The following FHIT variants were observed in gnomAD, a reference collection of about 807,000 sequenced individuals.
FHIT encodes bis(5'-adenosyl)-triphosphatase.
A neutral mutation model predicts 17.9 loss-of-function variants in FHIT; 19 were observed. The ratio of observed to expected loss-of-function variants is 1.06; its 90% CI spans 0.74 to 1.56. The LOEUF is 1.56. Among genes scored for constraint, FHIT ranks in the 40% most tolerant of loss-of-function variants. FHIT has a pLI of 0.00. For missense variants in FHIT, 248 were observed against 189.2 expected (o/e 1.31, Z -1.82); for synonymous variants, 81 against 69.7 (o/e 1.16, Z -0.81).
At chr3:60,390,466 C>T (rs6782294) in intron 5 of FHIT, among the ~76,000 whole-genome samples, 137,249 of 147,392 alleles carry the variant, frequency 0.93, 64,281 homozygotes, top group East Asian at 1. Context: ...GTACTTTTAA[C>T]GATTATTTTA....
intron 3 of FHIT, among the ~76,000 whole-genome samples, chr3:61,009,957 A>T (rs1486896713): frequency 1.3e-5 from 2 of 152,166 alleles, no homozygotes; most frequent in African/African-American, 4.8e-5. Flanking sequence ...GATATTTTAG[A>T]CCTACCCTAA....
intron 8 of FHIT, among the ~76,000 whole-genome samples, chr3:59,833,971 C>T (rs1179682169): frequency 6.6e-6 from 1 of 152,138 alleles, no homozygotes; most frequent in Non-Finnish European, 1.5e-5. Context: ...CTGAGGCCTC[C>T]CCAGCCATGA....
At chr3:60,934,677 C>G (rs985234713) in intron 3 of FHIT, among the ~76,000 whole-genome samples, 2 of 152,184 alleles carry the variant, frequency 1.3e-5, no homozygotes, top group Non-Finnish European at 2.9e-5. Context: ...AGTATCCTAC[C>G]TTGCTTAAGT....
chr3:59,834,169 G>T (rs1309950893), intron 8 of FHIT, among the ~76,000 whole-genome samples: 1 of 152,184 alleles, frequency 6.6e-6, no homozygotes, highest in African/African-American at 2.4e-5. Context: ...TGAAAGATCA[G>T]GAAGACCTGA....
intron 5 of FHIT, among the ~76,000 whole-genome samples, chr3:60,145,041 C>G (rs1576195949): frequency 6.6e-6 from 1 of 152,144 alleles, no homozygotes; most frequent in African/African-American, 2.4e-5. Context: ...TCCCAATGGT[C>G]TAGGTTTATT....
At chr3:60,641,703 A>T (rs2039728853) in intron 4 of FHIT, among the ~76,000 whole-genome samples, 1 of 152,066 alleles carries the variant, frequency 6.6e-6, no homozygotes, top group Admixed American at 6.6e-5. Context: ...GTCCCTAGTT[A>T]TCTCCATCTG....
intron 8 of FHIT, among the ~76,000 whole-genome samples, chr3:59,776,055 G>T (rs557493421): frequency 1.3e-5 from 2 of 152,278 alleles, no homozygotes; most frequent in South Asian, 2.1e-4. Flanking sequence ...AAATGAATTC[G>T]AATTGCCTGC....
chr3:60,217,231 T>C lies in FHIT; in HGVS notation c.104-203079A>G, dbSNP rs778765096. ...CAAATCCAAGCCCATAGCTCAAACA[T>C]AGGATTTCTGCTTCATGGCCTAATT... On this transcript the variant is annotated intron_variant, in intron 5 of 9. Coordinates refer to ENST00000492590, the MANE Select transcript of FHIT (RefSeq NM_002012.4). 2.4e-4 allele frequency among the ~76,000 whole-genome samples: 37 copies of C among 152,150 alleles called. 1 individual carries two copies. Among genetic ancestry groups the C allele is most frequent in the Non-Finnish European group, 4.3e-4 (29 of 68,026 alleles).
At chr3:60,775,274 G>A (rs1370374621) in intron 4 of FHIT, among the ~76,000 whole-genome samples, 2 of 152,146 alleles carry the variant, frequency 1.3e-5, no homozygotes, top group African/African-American at 4.8e-5. Flanking sequence ...AAGGAGCAGG[G>A]ACAACCACCC....
At chr3:60,087,864 G>A (rs6446108) in intron 5 of FHIT, among the ~76,000 whole-genome samples, 108,818 of 151,946 alleles carry the variant, frequency 0.72, 39,479 homozygotes, top group Middle Eastern at 0.86. Context: ...AAACTCTTCC[G>A]ACTGCTGCCC....
intron 7 of FHIT, among the ~76,000 whole-genome samples, chr3:59,947,391 G>C (rs370681953): frequency 6.6e-6 from 1 of 152,000 alleles, no homozygotes; most frequent in African/African-American, 2.4e-5. Context: ...TTGTTTATTT[G>C]AATCTTCTTT....
chr3:60,088,546 T>G (rs1286940754), intron 5 of FHIT, among the ~76,000 whole-genome samples: 1 of 152,188 alleles, frequency 6.6e-6, no homozygotes, highest in Non-Finnish European at 1.5e-5. Flanking sequence ...TGATTCATCT[T>G]GAGTCCTGAC....
At position 60,552,249 on chromosome 3, in the gene FHIT, TTAC is replaced by T. The variant is rs201632695; in HGVS notation, c.-17-15273_-17-15271del. 7.2e-4 allele frequency among the ~76,000 whole-genome samples: 109 copies of T among 152,336 alleles called. 1 individual carries two copies. The East Asian group carries it at 0.02, about 27-fold the overall frequency. ...CCATTCATCAGTTGATGGACATTTG[TTAC>T]TACATTTTTGGACGTTTGTGAATAG... On this transcript the variant is annotated intron_variant, in intron 4 of 9. Coordinates refer to ENST00000492590, the MANE Select transcript of FHIT (RefSeq NM_002012.4).
chr3:60,129,333 T>C (rs901180284), intron 5 of FHIT, among the ~76,000 whole-genome samples: 2 of 152,138 alleles, frequency 1.3e-5, no homozygotes, highest in African/African-American at 4.8e-5. Context: ...TGAGCCACTG[T>C]GCCTGGCCTC....
Position 60,526,137 on chromosome 3 carries a change from T to TACACACACACACACACACACAC in FHIT, c.103+10701_103+10722dup, listed in dbSNP as rs59137290. Reference sequence around the variant, plus strand: ...AACACAAAATGAAACACACAACACATACACACACACACACACACACACACA... The same window carrying TACACACACACACACACACACAC: ...AACACAAAATGAAACACACAACACATACACACACACACACACACACACACACACACACACACACACACACACA... On this transcript the variant is annotated intron_variant, in intron 5 of 9. Coordinates refer to ENST00000492590, the MANE Select transcript of FHIT (RefSeq NM_002012.4). 6.1e-3 allele frequency among the ~76,000 whole-genome samples: 910 copies of TACACACACACACACACACACAC among 148,134 alleles called. 11 individuals are homozygous for TACACACACACACACACACACAC. Among genetic ancestry groups the TACACACACACACACACACACAC allele is most frequent in the Admixed American group, 0.036 (535 of 14,864 alleles).
intron 5 of FHIT, among the ~76,000 whole-genome samples, chr3:60,287,818 C>T (rs1237639150): frequency 0.013 from 1 of 80 alleles, no homozygotes; most frequent in Non-Finnish European, 0.028. Context: ...TTCATCAGCA[C>T]CAGTGGGTTC....
chr3:59,821,941 C>T (rs1462705497), intron 8 of FHIT, among the ~76,000 whole-genome samples: 1 of 152,050 alleles, frequency 6.6e-6, no homozygotes, highest in Admixed American at 6.6e-5. Context: ...GTCTTTTATC[C>T]CTCACCCCCA....
intron 4 of FHIT, among the ~76,000 whole-genome samples, chr3:60,681,701 T>C (rs1256964662): frequency 6.6e-6 from 1 of 152,156 alleles, no homozygotes; most frequent in Admixed American, 6.6e-5. Flanking sequence ...GTGGTCTGGA[T>C]AGAAGATCAA....
At chr3:59,791,495 C>T (rs140439419) in intron 8 of FHIT, among the ~76,000 whole-genome samples, 1 of 152,160 alleles carries the variant, frequency 6.6e-6, no homozygotes, top group Non-Finnish European at 1.5e-5. Flanking sequence ...GCGCCTGAAT[C>T]AACAATACTA....
Sources: gnomAD v4.1 joint callset for allele counts (sites outside exome capture counted in the v4.1 genomes callset) on GRCh38, gnomAD v4.1.1 for gene constraint, MANE v1.5 for transcripts, NCBI Gene and HGNC (gene_info 2026-07-23, HGNC 2026-07-21) for gene names.